The following NUP210 variants were observed in gnomAD, a reference collection of about 807,000 sequenced individuals.
The protein encoded by NUP210 is nucleoporin 210, also known as nuclear pore membrane glycoprotein 210.
NUP210 carries 151 observed loss-of-function variants against 196.0 expected under a neutral mutation model. The observed-to-expected ratio is 0.77, with a 90% CI of 0.67 to 0.88. NUP210 has a LOEUF of 0.88. Ranked by LOEUF, NUP210 falls within the 40% of genes least tolerant of loss-of-function variation. The pLI is 0.00. For missense variants in NUP210, 2,314 were observed against 2,493.7 expected (o/e 0.93, Z 1.53); for synonymous variants, 1,070 against 1,052.7 (o/e 1.02, Z -0.32).
rs766731599 is a variant in NUP210 at position 13,323,398 on chromosome 3, C to T, written c.4679G>A (p.Arg1560His). The change falls in exon 34 of 40, where the codon CGT becomes CAT. Residue 1560 changes from arginine to histidine, a missense_variant. Physicochemically the swap from Arg to His is conservative, Grantham distance 29. Coordinates refer to ENST00000254508, the MANE Select transcript of NUP210 (RefSeq NM_024923.4). The surrounding 1 kb of genome is among the most constrained non-coding windows in gnomAD (Gnocchi z 4.3). ...GCTGGTCTGGATGGGGTGGAGGTGA[C>T]GGGCCATGATCCTCTGAGGGACGCT... is the stretch of plus-strand genomic sequence containing the variant. ...VVSVPQRIMA[R>H]HLHPIQTSFQ... The T allele has an allele frequency of 1.3e-5, 21 of 1,613,970 alleles. No homozygotes were observed. The highest frequency in any genetic ancestry group is 3.3e-5 in the Admixed American group (2 of 59,994).
In NUP210 at chr3:13,420,066, T is replaced by C. The variant is rs760279596; in HGVS notation, c.161A>G (p.Tyr54Cys). The part of the protein sequence containing the change: ...NFTLEASEGC[Y>C]RWLSTRPEVA... ...GCCCGGCCGCGCGCCTCACCAGCGG[T>C]AGCAGCCCTCCGAGGCCTCCAGCGT... Residue 54 changes from tyrosine (Y) to cysteine (C), a missense_variant, in exon 1 of 40, where the codon TAC becomes TGC. Coordinates refer to ENST00000254508, the MANE Select transcript of NUP210 (RefSeq NM_024923.4). This position sits in a 1 kb window ranked among gnomAD's most constrained non-coding sequence, Gnocchi z 4.8. 5.2e-6 allele frequency: 7 copies of C among 1,334,852 alleles called. No homozygotes were observed. Among genetic ancestry groups the C allele is most frequent in the South Asian group, 4.6e-5 (3 of 64,864 alleles). 82.7% of individuals were successfully genotyped at this position (1,334,852 alleles called of 1,614,324 possible).
chr3:13,404,794 G>A (rs1699952258), intron 1 of NUP210, among the ~76,000 whole-genome samples: 1 of 152,208 alleles, frequency 6.6e-6, no homozygotes, highest in East Asian at 1.9e-4. Flanking sequence ...CTCTTTCCCA[G>A]GCTGGGAATG....
Position 13,330,490 on chromosome 3 carries a change from C to G in NUP210, c.4080G>C (p.Gly1360=). The G allele has an allele frequency of 2.5e-6, 4 of 1,614,124 alleles. No individual in the cohort carries two copies. The highest frequency in any genetic ancestry group is 3.4e-6 in the Non-Finnish European group (4 of 1,180,016). Residue 1360 remains glycine (G), a synonymous_variant, in exon 30 of 40, where the codon GGG becomes GGC. Coordinates refer to ENST00000254508, the MANE Select transcript of NUP210 (RefSeq NM_024923.4). ...TIEVIAQEPF[G]ANQTIIVAVK... is the part of the protein sequence containing the mutation. ...CAGCAACAATGATGGTTTGGTTGGC[C>G]CCAAAGGGCTCTTGTGCAATCACTT...
chr3:13,393,992 G>A (rs1268284892), intron 3 of NUP210, among the ~76,000 whole-genome samples: 1 of 152,226 alleles, frequency 6.6e-6, no homozygotes, highest in East Asian at 1.9e-4. Flanking sequence ...CCAGAAGAAT[G>A]AACTGATTTC....
intron 1 of NUP210, among the ~76,000 whole-genome samples, chr3:13,410,909 C>T (rs1342238498): frequency 3.7e-5 from 4 of 108,858 alleles, no homozygotes; most frequent in South Asian, 3.0e-4. Flanking sequence ...CAGAGCAAGA[C>T]TCTGTCTCAA....
At chr3:13,335,914 C>T (rs1697198517) in intron 27 of NUP210, among the ~76,000 whole-genome samples, 1 of 152,256 alleles carries the variant, frequency 6.6e-6, no homozygotes. Flanking sequence ...CAGGATGTCC[C>T]TCAGACTTCA....
intron 31 of NUP210, among the ~76,000 whole-genome samples, chr3:13,328,380 C>G (rs958326601): frequency 6.6e-6 from 1 of 152,248 alleles, no homozygotes; most frequent in Non-Finnish European, 1.5e-5. Context: ...TGACTCTAAA[C>G]CCCAGTTCTT....
intron 1 of NUP210, among the ~76,000 whole-genome samples, chr3:13,401,088 T>C (rs1167740968): frequency 6.6e-6 from 1 of 151,616 alleles, no homozygotes; most frequent in African/African-American, 2.4e-5. Context: ...TGAAACCCTG[T>C]ATCTACTAAA....
chr3:13,374,369 C>T (rs955001158), intron 11 of NUP210, among the ~76,000 whole-genome samples: 13 of 152,282 alleles, frequency 8.5e-5, no homozygotes, highest in African/African-American at 2.6e-4. Context: ...CATATATACT[C>T]GCACCAATAC....
In NUP210 at chr3:13,319,457, G is replaced by A. The variant is rs1341691577; in HGVS notation, c.5384-132C>T. On this transcript the variant is annotated intron_variant, in intron 37 of 39. Transcript: ENST00000254508. The stretch of plus-strand genomic sequence containing the variant: ...TAGATGTAAGGATGGTGGTCTCAGA[G>A]GGCCAGGCCACCTGCTGGAGGCCCG... 3.8e-6 allele frequency: 3 copies of A among 792,170 alleles called. No individual in the cohort carries two copies. In the East Asian group the frequency reaches 8.0e-5, roughly 21 times the overall value. The allele number at this position is 792,170 out of a possible 1,614,324, so 49.1% of individuals were successfully genotyped here. A position where few individuals can be genotyped will look rare whatever the true frequency, so the allele number is the denominator to read the frequency against.
At chr3:13,336,754 G>A (rs1360350306) in intron 27 of NUP210, 33 bp downstream of exon 27, 19 of 1,605,554 alleles carry the variant, frequency 1.2e-5, no homozygotes, top group Non-Finnish European at 1.4e-5. Flanking sequence ...GGACAGGGGT[G>A]GGAGGTGAGC....
intron 3 of NUP210, among the ~76,000 whole-genome samples, chr3:13,395,443 G>C (rs1699621005): frequency 6.6e-6 from 1 of 152,138 alleles, no homozygotes; most frequent in South Asian, 2.1e-4. Context: ...TCAGCCTCCT[G>C]AGTAACTGGG....
Position 13,379,833 on chromosome 3 carries a change from C to T in NUP210, c.818-112G>A, listed in dbSNP as rs1699046965. ...GAATCTCTGCACTCTGCTCTCAGTA[C>T]AGCTGACGCATTTTCTTAATTGTTT... On this transcript the variant is annotated intron_variant, in intron 6 of 39. Transcript: ENST00000254508. This position sits in a 1 kb window ranked among gnomAD's most constrained non-coding sequence, Gnocchi z 4.2. The T allele has an allele frequency of 1.2e-6, 1 of 804,586 alleles. No individual in the cohort carries two copies. Among genetic ancestry groups the T allele is most frequent in the Non-Finnish European group, 1.9e-6 (1 of 534,288 alleles). The allele number at this position is 804,586 out of a possible 1,614,324, so 49.8% of individuals were successfully genotyped here.
In NUP210 at chr3:13,351,987, G is replaced by A. The variant is rs1294910185; in HGVS notation, c.2734-7C>T. The stretch of plus-strand genomic sequence containing the variant: ...CCCTGATGCGGAGCTCTGCCTGCAG[G>A]AGGCAGATGCAGGGAGGGTTGGGCC... On this transcript the variant is annotated splice_region_variant and splice_polypyrimidine_tract_variant and intron_variant, in intron 19 of 39. Coordinates refer to ENST00000254508, the MANE Select transcript of NUP210 (RefSeq NM_024923.4). 6.2e-7 allele frequency: 1 copy of A among 1,606,798 alleles called. No individual in the cohort carries two copies. The highest frequency in any genetic ancestry group is 1.1e-5 in the South Asian group (1 of 90,806).
intron 16 of NUP210, among the ~76,000 whole-genome samples, chr3:13,356,910 A>G (rs1196069171): frequency 6.6e-6 from 1 of 152,262 alleles, no homozygotes; most frequent in Admixed American, 6.5e-5. Context: ...TCCAGCCCCA[A>G]GGTGGCCCGC....
chr3:13,321,283 G>A (rs1001445400), intron 36 of NUP210, among the ~76,000 whole-genome samples: 3 of 152,206 alleles, frequency 2.0e-5, no homozygotes, highest in Non-Finnish European at 4.4e-5. Context: ...TGAATTCTGC[G>A]ATGCCACGCA....
At chr3:13,330,093 A>G (rs1188244423) in intron 30 of NUP210, among the ~76,000 whole-genome samples, 2 of 152,266 alleles carry the variant, frequency 1.3e-5, no homozygotes, top group Non-Finnish European at 2.9e-5. Flanking sequence ...GGCCCAGAAC[A>G]GGAGCTCCAC....
In NUP210 at chr3:13,379,333, C is replaced by T. The variant is rs763406498; in HGVS notation, c.976+230G>A. ...TGGAGAAGTTTCTGGAGACGAGGAA[C>T]GACACTCAGCTCCTGCCATCACCTC... On this transcript the variant is annotated intron_variant, in intron 7 of 39. Transcript: ENST00000254508. This position sits in a 1 kb window ranked among gnomAD's most constrained non-coding sequence, Gnocchi z 4.2. Among the ~76,000 whole-genome samples, 2 of 152,128 alleles carry T rather than the reference C, an allele frequency of 1.3e-5. No homozygotes were observed. Among genetic ancestry groups the T allele is most frequent in the Non-Finnish European group, 2.9e-5 (2 of 68,028 alleles).
chr3:13,351,778 G>A (rs79504129), intron 20 of NUP210, 101 bp downstream of exon 20: 3 of 789,170 alleles, frequency 3.8e-6, no homozygotes, highest in African/African-American at 1.7e-5. Flanking sequence ...GATTCCGAGT[G>A]TGAGTCAAGT....
Sources: allele counts gnomAD v4.1 joint callset (sites outside exome capture counted in the v4.1 genomes callset), GRCh38; gene constraint gnomAD v4.1.1; non-coding constraint Gnocchi (gnomAD v3.1); transcripts MANE v1.5; gene names NCBI Gene and HGNC (gene_info 2026-07-23, HGNC 2026-07-21).